Variants in UCK2 observed in about 807,000 individuals in gnomAD.
UCK2 encodes the protein cytidine monophosphokinase 2.
In UCK2, 6 loss-of-function variants were observed where a neutral mutation model predicts 30.8. The observed-to-expected ratio is 0.19, with a 90% confidence interval of 0.11 to 0.38. The LOEUF (loss-of-function observed/expected upper bound fraction) is 0.38. UCK2 is among the 10% of genes least tolerant of loss of function. UCK2 has a pLI of 1.00. For missense variants in UCK2, 210 were observed against 339.8 expected (o/e 0.62, Z 3.00); for synonymous variants, 125 against 133.6 (o/e 0.94, Z 0.45).
In UCK2 at chr1:165,908,079, A is replaced by G. The variant is rs1429979027; in HGVS notation, c.*256A>G. 2.6e-6 allele frequency: 1 copy of G among 387,018 alleles called. No individual in the cohort carries two copies. Among genetic ancestry groups the G allele is most frequent in the Non-Finnish European group, 4.6e-6 (1 of 216,290 alleles). The allele number at this position is 387,018 out of a possible 1,614,324, so 24.0% of individuals were successfully genotyped here. A position where few individuals can be genotyped will look rare whatever the true frequency, so the allele number is the denominator to read the frequency against. On this transcript the variant is annotated 3_prime_UTR_variant, in exon 7 of 7. Coordinates refer to ENST00000367879, the MANE Select transcript of UCK2 (RefSeq NM_012474.5). The stretch of plus-strand genomic sequence containing the variant: ...CTAATTATGAATCCAACGTGTAACC[A>G]GTTATAAATACATATATATATAAAA...
chr1:165,849,353 C>T (rs1418556343), intron 1 of UCK2, among the ~76,000 whole-genome samples: 1 of 152,134 alleles, frequency 6.6e-6, no homozygotes, highest in African/African-American at 2.4e-5. Flanking sequence ...AACATTGTCT[C>T]TATGTAGTGC....
chr1:165,894,149 A>C (rs1445248321), intron 3 of UCK2: 1 of 152,184 alleles, frequency 6.6e-6, no homozygotes, highest in African/African-American at 2.4e-5. Context: ...ATATTCCAAA[A>C]TCTGAAAAAA....
At chr1:165,844,771 A>G (rs1363538663) in intron 1 of UCK2, among the ~76,000 whole-genome samples, 4 of 151,892 alleles carry the variant, frequency 2.6e-5, no homozygotes, top group Non-Finnish European at 4.4e-5. Context: ...TAAAAACCCA[A>G]AAGGACAGTG....
intron 1 of UCK2, among the ~76,000 whole-genome samples, chr1:165,884,489 C>T (rs2101878301): frequency 6.6e-6 from 1 of 152,276 alleles, no homozygotes; most frequent in Non-Finnish European, 1.5e-5. Context: ...CACACCTAAC[C>T]CGACGCCCTC....
rs189461794 is a variant in UCK2 at position 165,888,482 on chromosome 1, G to A, written c.100-1722G>A. 5.1e-3 allele frequency among the ~76,000 whole-genome samples: 770 copies of A among 151,958 alleles called. 4 individuals are homozygous for A. Among genetic ancestry groups the A allele is most frequent in the Middle Eastern group, 0.024 (7 of 294 alleles). On this transcript the variant is annotated intron_variant, in intron 1 of 6. Coordinates refer to ENST00000367879, the MANE Select transcript of UCK2 (RefSeq NM_012474.5). The stretch of plus-strand genomic sequence containing the variant: ...AATTTTTGTATTTTTAGTAGAGGCA[G>A]GGTTTCACCATGTTGGCCAGGCTAG...
At chr1:165,881,340 G>A (rs1655496603) in intron 1 of UCK2, among the ~76,000 whole-genome samples, 1 of 152,006 alleles carries the variant, frequency 6.6e-6, no homozygotes, top group African/African-American at 2.4e-5. Flanking sequence ...GTCCTCATAT[G>A]TACTTACTCA....
intron 1 of UCK2, among the ~76,000 whole-genome samples, chr1:165,831,728 T>C (rs1654052249): frequency 6.6e-6 from 1 of 152,200 alleles, no homozygotes. Flanking sequence ...ACAAATCCCC[T>C]TGGCCCCTAA....
intron 6 of UCK2, among the ~76,000 whole-genome samples, chr1:165,906,595 C>T (rs1647669240): frequency 6.6e-6 from 1 of 152,172 alleles, no homozygotes; most frequent in African/African-American, 2.4e-5. Flanking sequence ...TCTAAAACTC[C>T]TACCTCAAGC....
chr1:165,853,195 T>A (rs929101397), intron 1 of UCK2, among the ~76,000 whole-genome samples: 2 of 152,174 alleles, frequency 1.3e-5, no homozygotes, highest in Non-Finnish European at 2.9e-5. Flanking sequence ...AACCTACTGA[T>A]GAGGCCTCTC....
intron 1 of UCK2, among the ~76,000 whole-genome samples, chr1:165,852,126 A>G (rs1469888043): frequency 6.6e-6 from 1 of 152,180 alleles, no homozygotes; most frequent in African/African-American, 2.4e-5. Context: ...GTCAAATGGC[A>G]TTTCTGGTTC....
chr1:165,856,617 G>C (rs1044409437), intron 1 of UCK2, among the ~76,000 whole-genome samples: 1 of 152,128 alleles, frequency 6.6e-6, no homozygotes, highest in African/African-American at 2.4e-5. Context: ...TAGGAAAAGA[G>C]ATTTTGAATG....
chr1:165,870,337 C>CA (rs1655165717), intron 1 of UCK2, among the ~76,000 whole-genome samples: 1 of 143,308 alleles, frequency 7.0e-6, no homozygotes, highest in African/African-American at 2.6e-5. Flanking sequence ...ACAGGGTTCT[C>CA]ATTTGAATGT....
chr1:165,865,303 A>G (rs1439100810), intron 1 of UCK2, among the ~76,000 whole-genome samples: 1 of 152,176 alleles, frequency 6.6e-6, no homozygotes, highest in Non-Finnish European at 1.5e-5. Flanking sequence ...ACTCCTGCCA[A>G]ACTGGTGTGC....
chr1:165,876,008 C>G (rs1003043147), intron 1 of UCK2, among the ~76,000 whole-genome samples: 31 of 152,144 alleles, frequency 2.0e-4, no homozygotes, highest in Non-Finnish European at 1.5e-5. Context: ...TGTTTCCTGA[C>G]CCAACATTAT....
chr1:165,896,721 G>A (rs1431592723), intron 4 of UCK2, among the ~76,000 whole-genome samples: 2 of 152,216 alleles, frequency 1.3e-5, no homozygotes, highest in East Asian at 3.8e-4. Context: ...CCGAGGATAG[G>A]ATCCCCTGTG....
intron 1 of UCK2, among the ~76,000 whole-genome samples, chr1:165,839,938 C>A (rs1049724872): frequency 6.6e-6 from 1 of 152,232 alleles, no homozygotes; most frequent in Non-Finnish European, 1.5e-5. Flanking sequence ...ACCCCGGCCC[C>A]CGCCCCAGAC....
intron 1 of UCK2, among the ~76,000 whole-genome samples, chr1:165,836,941 C>T (rs73016676): frequency 0.012 from 1,844 of 152,210 alleles, 44 homozygotes; most frequent in African/African-American, 0.043. Flanking sequence ...GTCATCCCGT[C>T]CTGGAAGGCA....
At chr1:165,888,208 A>G (rs1655669762) in intron 1 of UCK2, among the ~76,000 whole-genome samples, 1 of 152,198 alleles carries the variant, frequency 6.6e-6, no homozygotes, top group Non-Finnish European at 1.5e-5. Context: ...CGTTGATGAA[A>G]TAAATTCAAT....
chr1:165,877,967 A>G (rs1286626713), intron 1 of UCK2, among the ~76,000 whole-genome samples: 1 of 152,112 alleles, frequency 6.6e-6, no homozygotes, highest in African/African-American at 2.4e-5. Context: ...ACAGTCATGA[A>G]CCTACATTGT....
Sources: allele counts gnomAD v4.1 joint callset (sites outside exome capture counted in the v4.1 genomes callset), GRCh38; gene constraint gnomAD v4.1.1; transcripts MANE v1.5; gene names NCBI Gene and HGNC (gene_info 2026-07-23, HGNC 2026-07-21).